The following GRIP1 variants were observed in gnomAD, a reference collection of about 807,000 sequenced individuals.
GRIP1 encodes the protein glutamate receptor interacting protein 1.
Under a neutral mutation model 129.9 loss-of-function variants are expected in GRIP1, and 45 were observed. The observed-to-expected ratio is 0.35, with a 90% CI of 0.27 to 0.44. The LOEUF (loss-of-function observed/expected upper bound fraction) is 0.44. GRIP1 is among the 20% of genes least tolerant of loss of function. The probability of loss-of-function intolerance (pLI) is 1.00; values close to 1 mark genes in which losing one functional copy is unlikely to be tolerated. For synonymous variants in GRIP1, 530 were observed against 520.8 expected (o/e 1.02, Z -0.24); for missense variants, 1,196 against 1,396.8 (o/e 0.86, Z 2.29).
At chr12:66,910,838 A>C (rs1504313) in intron 1 of GRIP1, among the ~76,000 whole-genome samples, 62,435 of 151,994 alleles carry the variant, frequency 0.41, 13,256 homozygotes, top group East Asian at 0.64. Context: ...TCCCTAGGCC[A>C]TAGAATTCCA....
chr12:66,976,107 TTG>T (rs889665321), intron 1 of GRIP1, among the ~76,000 whole-genome samples: 1 of 152,208 alleles, frequency 6.6e-6, no homozygotes, highest in African/African-American at 2.4e-5. Context: ...GTATCTGCCT[TTG>T]GTCACAGAGT....
chr12:66,586,906 G>T (rs1249772564), intron 2 of GRIP1, among the ~76,000 whole-genome samples: 6 of 152,062 alleles, frequency 3.9e-5, no homozygotes, highest in Admixed American at 3.9e-4. Flanking sequence ...AGCAGTTAGA[G>T]AAATTAAAAT....
intron 1 of GRIP1, among the ~76,000 whole-genome samples, chr12:66,956,845 T>C (rs1353407751): frequency 6.6e-6 from 1 of 152,148 alleles, no homozygotes; most frequent in East Asian, 1.9e-4. Flanking sequence ...TGCATATATA[T>C]TAGCTGACAT....
At chr12:66,859,170 C>T in intron 1 of GRIP1, among the ~76,000 whole-genome samples, 1 of 150,568 alleles carries the variant, frequency 6.6e-6, no homozygotes, top group Non-Finnish European at 1.5e-5. Flanking sequence ...GAAGCAAAAC[C>T]ATTTTTGACT....
At chr12:66,482,460 A>G in intron 7 of GRIP1, among the ~76,000 whole-genome samples, 1 of 152,198 alleles carries the variant, frequency 6.6e-6, no homozygotes, top group Admixed American at 6.5e-5. Flanking sequence ...TGTGGCAGTC[A>G]CTTTCTGCAT....
At chr12:66,603,232 T>C (rs1463208312) in intron 1 of GRIP1, among the ~76,000 whole-genome samples, 1 of 151,552 alleles carries the variant, frequency 6.6e-6, no homozygotes, top group East Asian at 1.9e-4. Context: ...AGAACAAATA[T>C]AGAGTGGTTT....
chr12:67,064,339 C>T (rs2043585713), intron 1 of GRIP1, among the ~76,000 whole-genome samples: 1 of 152,188 alleles, frequency 6.6e-6, no homozygotes, highest in Non-Finnish European at 1.5e-5. Context: ...AACTTCACCT[C>T]AGGAAGTGTA....
intron 11 of GRIP1, among the ~76,000 whole-genome samples, chr12:66,450,116 G>C (rs138178519): frequency 2.6e-5 from 4 of 151,330 alleles, no homozygotes; most frequent in African/African-American, 9.7e-5. Flanking sequence ...CTGACTAACA[G>C]CGTGAAACCC....
At chr12:66,808,487 T>C (rs2039041222), upstream of GRIP1, among the ~76,000 whole-genome samples, 1 of 152,012 alleles carries the variant, frequency 6.6e-6, no homozygotes. Context: ...GTTTGTTTGT[T>C]TGTTTGTTTG....
At chr12:67,009,235 T>C (rs966669953) in intron 1 of GRIP1, among the ~76,000 whole-genome samples, 2 of 152,162 alleles carry the variant, frequency 1.3e-5, no homozygotes, top group Admixed American at 6.5e-5. Flanking sequence ...GTATTTGATA[T>C]TGTATATGTA....
At chr12:66,662,612 G>A (rs148205576) in intron 1 of GRIP1, among the ~76,000 whole-genome samples, 2 of 152,040 alleles carry the variant, frequency 1.3e-5, no homozygotes, top group Admixed American at 6.6e-5. Flanking sequence ...ATACAAGCCC[G>A]TCCCTTCCTA....
intron 1 of GRIP1, among the ~76,000 whole-genome samples, chr12:66,715,494 G>GAC (rs1267693374): frequency 6.6e-6 from 1 of 150,880 alleles, no homozygotes; most frequent in Non-Finnish European, 1.5e-5. Flanking sequence ...GAGAGAGAGA[G>GAC]AGAGAGAGAG....
chr12:66,363,229 A>ATATATATATATATATATATATAT (rs1592693881), intron 23 of GRIP1, among the ~76,000 whole-genome samples: 10 of 129,674 alleles, frequency 7.7e-5, no homozygotes, highest in East Asian at 2.2e-4. Context: ...ATATATATAT[A>ATATATATATATATATATATATAT]AAGTTTCTGT....
intron 1 of GRIP1, among the ~76,000 whole-genome samples, chr12:66,857,183 T>G (rs1242132091): frequency 4.4e-4 from 54 of 123,442 alleles, no homozygotes; most frequent in East Asian, 3.6e-3. Context: ...TGAGAACACA[T>G]GGACACAGGA....
At chr12:66,945,425 T>C (rs1318240638) in intron 1 of GRIP1, among the ~76,000 whole-genome samples, 2 of 152,204 alleles carry the variant, frequency 1.3e-5, no homozygotes, top group East Asian at 1.9e-4. Flanking sequence ...GAGTGTTTAA[T>C]TGGCTTACGA....
chr12:66,751,426 C>G (rs2037123554), intron 1 of GRIP1, among the ~76,000 whole-genome samples: 1 of 152,082 alleles, frequency 6.6e-6, no homozygotes, highest in South Asian at 2.1e-4. Flanking sequence ...CCACCCAAAC[C>G]CAAAACCTCT....
intron 1 of GRIP1, among the ~76,000 whole-genome samples, chr12:66,937,967 T>C (rs951910075): frequency 5.9e-5 from 9 of 152,224 alleles, no homozygotes; most frequent in Non-Finnish European, 1.2e-4. Context: ...ACTTGAACTA[T>C]AGCTAGTCTG....
intron 1 of GRIP1, among the ~76,000 whole-genome samples, chr12:66,998,312 G>C (rs2042499905): frequency 6.6e-6 from 1 of 152,002 alleles, no homozygotes; most frequent in African/African-American, 2.4e-5. Context: ...AAAAGATCTT[G>C]GCCAAATAAT....
chr12:66,720,638 A>C (rs188971283), intron 1 of GRIP1, among the ~76,000 whole-genome samples: 24 of 152,314 alleles, frequency 1.6e-4, no homozygotes, highest in African/African-American at 5.5e-4. Flanking sequence ...CATTTTCACT[A>C]GGAGTAGATT....
Sources: allele counts gnomAD v4.1 joint callset (sites outside exome capture counted in the v4.1 genomes callset), GRCh38; gene constraint gnomAD v4.1.1; transcripts MANE v1.5; gene names NCBI Gene and HGNC (gene_info 2026-07-23, HGNC 2026-07-21).